The following CNTN6 variants were observed in gnomAD, a reference collection of about 807,000 sequenced individuals.
CNTN6 encodes contactin 6, also known as contactin-6.
In CNTN6, 137 loss-of-function variants were observed where a neutral mutation model predicts 122.8. The ratio of observed to expected loss-of-function variants is 1.12; its 90% CI spans 0.97 to 1.29. The LOEUF (loss-of-function observed/expected upper bound fraction) is 1.29. Among genes scored for constraint, CNTN6 ranks in the 50% most tolerant of loss-of-function variants. The pLI is 0.00. For missense variants in CNTN6, 1,634 were observed against 1,223.4 expected, an observed-to-expected ratio of 1.34 and a Z score of -5.01; for synonymous variants, 570 against 426.0, an observed-to-expected ratio of 1.34 and a Z score of -4.16.
Position 1,321,006 on chromosome 3 carries a change from T to G in CNTN6, c.762-644T>G, listed in dbSNP as rs148260411. On this transcript the variant is annotated intron_variant, in intron 7 of 22. Transcript: ENST00000446702. ...GTAAATCCATCTTTGTTTTACTTTT[T>G]TTTAAATCGTATATAAATGAGTACT... Among the ~76,000 whole-genome samples, 19 of 151,770 alleles carry G rather than the reference T, an allele frequency of 1.3e-4. No individual in the cohort carries two copies. In the East Asian group the frequency reaches 3.5e-3, roughly 28 times the overall value.
rs1559592357 is a variant in CNTN6 at position 1,244,401 on chromosome 3, CGGG to C, written c.358+16409_358+16411del. ...GGTACTTGGCCCTGCCCCAGGAAAG[CGGG>C]ACTTGCCGCTGAGGGTGAAGGAGAA... is the stretch of plus-strand genomic sequence containing the variant. On this transcript the variant is annotated intron_variant, in intron 4 of 22. Transcript: ENST00000446702. Among the ~76,000 whole-genome samples the C allele has an allele frequency of 2.2e-3, 199 of 88,872 alleles. 2 individuals carry two copies. Among genetic ancestry groups the C allele is most frequent in the African/African-American group, 9.6e-3 (192 of 19,984 alleles). The allele number at this position is 88,872 out of a possible 152,430, so 58.3% of individuals were successfully genotyped here.
intron 2 of CNTN6, among the ~76,000 whole-genome samples, chr3:1,167,041 TAAAATTA>T (rs2093265897): frequency 7.0e-6 from 1 of 143,840 alleles, no homozygotes; most frequent in African/African-American, 2.7e-5. Flanking sequence ...TCCCAGAACT[TAAAATTA>T]AAAAAAAAAA....
intron 2 of CNTN6, among the ~76,000 whole-genome samples, chr3:1,175,365 T>G (rs1012149657): frequency 1.3e-5 from 2 of 150,474 alleles, no homozygotes; most frequent in African/African-American, 5.0e-5. Context: ...AATGATTAGA[T>G]ACAGTGGAGA....
At chr3:1,228,927 G>T (rs2094319968) in intron 4 of CNTN6, among the ~76,000 whole-genome samples, 2 of 103,760 alleles carry the variant, frequency 1.9e-5, no homozygotes, top group Non-Finnish European at 4.3e-5. Context: ...GTGTTCCAAA[G>T]ATTATTCTAC....
intron 2 of CNTN6, among the ~76,000 whole-genome samples, chr3:1,189,839 T>C (rs141936323): frequency 6.6e-6 from 1 of 152,314 alleles, no homozygotes; most frequent in East Asian, 1.9e-4. Flanking sequence ...CAGAATGTGT[T>C]CCATCCCCTC....
intron 8 of CNTN6, among the ~76,000 whole-genome samples, chr3:1,322,238 G>T (rs1460589433): frequency 6.6e-6 from 1 of 151,550 alleles, no homozygotes; most frequent in Admixed American, 6.6e-5. Context: ...CTGCATGGTG[G>T]TTTATAATAT....
At chr3:1,346,460 A>T (rs1196876635) in intron 11 of CNTN6, among the ~76,000 whole-genome samples, 11 of 152,002 alleles carry the variant, frequency 7.2e-5, no homozygotes, top group Admixed American at 7.2e-4. Context: ...TCTCTTGGGA[A>T]TAGATTTGTT....
At chr3:1,342,392 C>T (rs1304646192) in intron 11 of CNTN6, among the ~76,000 whole-genome samples, 4 of 152,020 alleles carry the variant, frequency 2.6e-5, no homozygotes, top group African/African-American at 7.2e-5. Context: ...CCTCCCAAAG[C>T]GTTGGGATTA....
At chr3:1,326,306 C>G (rs1701533505) in intron 9 of CNTN6, among the ~76,000 whole-genome samples, 2 of 151,734 alleles carry the variant, frequency 1.3e-5, no homozygotes, top group African/African-American at 2.4e-5. Flanking sequence ...CGTGCATTAT[C>G]TTATTGCACC....
chr3:1,391,908 A>C (rs1158263650), intron 20 of CNTN6, among the ~76,000 whole-genome samples: 2 of 152,204 alleles, frequency 1.3e-5, no homozygotes, highest in Admixed American at 1.3e-4. Context: ...ATAAAAGAGG[A>C]TACAAACAAA....
At chr3:1,356,565 C>G (rs535183489) in intron 12 of CNTN6, among the ~76,000 whole-genome samples, 15 of 151,824 alleles carry the variant, frequency 9.9e-5, no homozygotes, top group African/African-American at 3.1e-4. Context: ...TCAAGCTCAG[C>G]TTTATTGACA....
chr3:1,359,504 A>C (rs1036165355), intron 12 of CNTN6, among the ~76,000 whole-genome samples: 1 of 152,070 alleles, frequency 6.6e-6, no homozygotes, highest in Admixed American at 6.6e-5. Context: ...TTAAATGTTG[A>C]AGTAGTAAAT....
chr3:1,302,331 A>G (rs567818320), intron 7 of CNTN6, among the ~76,000 whole-genome samples: 16 of 152,260 alleles, frequency 1.1e-4, no homozygotes, highest in African/African-American at 3.6e-4. Context: ...ACTCTTTTGT[A>G]AGATGTTGCA....
chr3:1,274,771 A>G (rs751986056), intron 4 of CNTN6, among the ~76,000 whole-genome samples: 7 of 152,176 alleles, frequency 4.6e-5, no homozygotes, highest in Admixed American at 2.6e-4. Flanking sequence ...AGGAAAATGT[A>G]TGGTTGGCCC....
At chr3:1,233,304 G>A (rs1332499100) in intron 4 of CNTN6, among the ~76,000 whole-genome samples, 1 of 152,130 alleles carries the variant, frequency 6.6e-6, no homozygotes, top group Non-Finnish European at 1.5e-5. Flanking sequence ...CTGATAGACT[G>A]GTATGAGTTG....
intron 20 of CNTN6, among the ~76,000 whole-genome samples, chr3:1,386,936 AAGTT>A (rs773463822): frequency 3.3e-5 from 5 of 152,012 alleles, no homozygotes; most frequent in South Asian, 2.1e-4. Context: ...TGTCCAAAAG[AAGTT>A]AGTTAGGAAC....
At chr3:1,392,027 A>T (rs1402489092) in intron 20 of CNTN6, among the ~76,000 whole-genome samples, 3 of 152,168 alleles carry the variant, frequency 2.0e-5, no homozygotes, top group Non-Finnish European at 4.4e-5. Context: ...GCCACCAATG[A>T]CTTTCTTCAC....
chr3:1,202,976 T>G (rs2093906990), intron 2 of CNTN6, among the ~76,000 whole-genome samples: 1 of 152,194 alleles, frequency 6.6e-6, no homozygotes, highest in Non-Finnish European at 1.5e-5. Context: ...TTTAAACTGA[T>G]GTAGCAAGAG....
chr3:1,190,456 T>A (rs1475765943), intron 2 of CNTN6, among the ~76,000 whole-genome samples: 1 of 152,208 alleles, frequency 6.6e-6, no homozygotes, highest in Non-Finnish European at 1.5e-5. Flanking sequence ...CCTTGCTTTT[T>A]GTATCATCGT....
Sources: allele counts gnomAD v4.1 joint callset (sites outside exome capture counted in the v4.1 genomes callset), GRCh38; gene constraint gnomAD v4.1.1; transcripts MANE v1.5; gene names NCBI Gene and HGNC (gene_info 2026-07-23, HGNC 2026-07-21).